Variants in BANK1 observed in about 807,000 individuals in gnomAD.
BANK1 encodes B cell scaffold protein with ankyrin repeats 1.
A neutral mutation model predicts 94.5 loss-of-function variants in BANK1; 95 were observed. That is an observed-to-expected ratio of 1.00 (90% CI 0.85 to 1.19). The LOEUF (loss-of-function observed/expected upper bound fraction) is 1.19. Ranked by LOEUF, BANK1 falls within the 50% of genes most tolerant of loss-of-function variation. The pLI is 0.00. For missense variants in BANK1, 987 were observed against 932.2 expected (o/e 1.06, Z -0.77); for synonymous variants, 334 against 308.4 (o/e 1.08, Z -0.87).
At chr4:101,851,442 G>C (rs1306633716) in intron 2 of BANK1, among the ~76,000 whole-genome samples, 2 of 152,188 alleles carry the variant, frequency 1.3e-5, no homozygotes, top group Non-Finnish European at 2.9e-5. Context: ...AGGCACAACT[G>C]TATGCACTAG....
chr4:102,016,863 A>T (rs1726718323), intron 7 of BANK1, among the ~76,000 whole-genome samples: 3 of 152,152 alleles, frequency 2.0e-5, no homozygotes, highest in Non-Finnish European at 4.4e-5. Flanking sequence ...GGTTAGAGAT[A>T]TAAATTAAGG....
intron 15 of BANK1, 24 bp from the exon 16 acceptor site, chr4:102,073,660 C>G (rs1230251147): frequency 6.2e-7 from 1 of 1,603,188 alleles, no homozygotes; most frequent in East Asian, 2.2e-5. Context: ...GAAATACTAG[C>G]TCTATATCTT....
intron 1 of BANK1, among the ~76,000 whole-genome samples, chr4:101,816,297 T>C (rs916270800): frequency 6.6e-6 from 1 of 152,224 alleles, no homozygotes; most frequent in South Asian, 2.1e-4. Flanking sequence ...TCTTGTTTAG[T>C]AATTTAGTTT....
chr4:101,980,816 G>T (rs1387885612), intron 7 of BANK1, among the ~76,000 whole-genome samples: 1 of 151,768 alleles, frequency 6.6e-6, no homozygotes, highest in East Asian at 1.9e-4. Flanking sequence ...TTTTTGTTAA[G>T]TTTATTTCTC....
rs74395587 is a variant in BANK1 at position 101,836,629 on chromosome 4, C to T, written c.469+6423C>T. Among the ~76,000 whole-genome samples, 915 of 152,264 alleles carry T rather than the reference C, an allele frequency of 6.0e-3. 15 individuals carry two copies. The East Asian group carries it at 0.061, about 10-fold the overall frequency. On this transcript the variant is annotated intron_variant, in intron 2 of 16. Transcript: ENST00000322953. ...ATGTTTCTGGTACAGTTTGGTTTTT[C>T]TCTTTATTGAAACCTCTTGATGAAA...
At chr4:102,032,373 A>T (rs1727350281) in intron 10 of BANK1, 1 of 152,052 alleles carries the variant, frequency 6.6e-6, no homozygotes, top group African/African-American at 2.4e-5. Context: ...TTTTTGTAGA[A>T]TTCTTTTCTC....
intron 14 of BANK1, among the ~76,000 whole-genome samples, chr4:102,071,635 A>G (rs1728766228): frequency 6.6e-6 from 1 of 152,220 alleles, no homozygotes; most frequent in South Asian, 2.1e-4. Context: ...GTAGATAAGC[A>G]TTGTACCATG....
chr4:101,941,899 C>A (rs1404595089), intron 7 of BANK1, among the ~76,000 whole-genome samples: 1 of 151,810 alleles, frequency 6.6e-6, no homozygotes, highest in Non-Finnish European at 1.5e-5. Context: ...ATTACTGACC[C>A]TCATGATGAT....
At chr4:102,044,278 G>A (rs983578921) in intron 11 of BANK1, among the ~76,000 whole-genome samples, 21 of 151,958 alleles carry the variant, frequency 1.4e-4, no homozygotes, top group Admixed American at 6.6e-5. Context: ...GAGAACATGC[G>A]GTGTTTGGTT....
At position 101,790,741 on chromosome 4, in the gene BANK1, G is replaced by A. The variant is rs931147655; in HGVS notation, c.-140G>A. On this transcript the variant is annotated 5_prime_UTR_variant, in exon 1 of 17. Transcript: ENST00000322953. ...GGGCTGCGTTTCCTGAGACCTGGCCGCAGCCTCCGCGGGTGGCAAGCGGGC... is the reference window on the plus strand; with the variant it reads ...GGGCTGCGTTTCCTGAGACCTGGCCACAGCCTCCGCGGGTGGCAAGCGGGC... 41 of 918,242 alleles carry A rather than the reference G, an allele frequency of 4.5e-5. No homozygotes were observed. The East Asian group carries it at 1.1e-3, about 24-fold the overall frequency. 56.9% of individuals were successfully genotyped at this position (918,242 alleles called of 1,614,324 possible). A position where few individuals can be genotyped will look rare whatever the true frequency, so the allele number is the denominator to read the frequency against.
At chr4:101,982,813 G>T (rs138502684) in intron 7 of BANK1, among the ~76,000 whole-genome samples, 3 of 151,326 alleles carry the variant, frequency 2.0e-5, no homozygotes, top group Admixed American at 6.6e-5. Flanking sequence ...TAAAAATGCC[G>T]CCCAACCAAT....
chr4:102,022,649 T>C (rs757934130), intron 8 of BANK1, among the ~76,000 whole-genome samples: 14 of 152,156 alleles, frequency 9.2e-5, no homozygotes, highest in Non-Finnish European at 1.8e-4. Flanking sequence ...AAATAATGTA[T>C]AGGACGCCTT....
At position 102,054,115 on chromosome 4, in the gene BANK1, G is replaced by A. The variant is rs115583050; in HGVS notation, c.1970-6096G>A. Among the ~76,000 whole-genome samples the A allele has an allele frequency of 6.8e-3, 1,027 of 152,104 alleles. 9 individuals carry two copies. Among genetic ancestry groups the A allele is most frequent in the African/African-American group, 0.024 (976 of 41,524 alleles). On this transcript the variant is annotated intron_variant, in intron 11 of 16. Transcript: ENST00000322953. ...GTGCTGTGTTAATCATCTGCATAAC[G>A]ATAGTTCATTAAAACCTCAAAGATA...
At chr4:101,892,167 G>C (rs1236927559) in intron 5 of BANK1, among the ~76,000 whole-genome samples, 1 of 150,580 alleles carries the variant, frequency 6.6e-6, no homozygotes, top group East Asian at 1.9e-4. Flanking sequence ...CCATAATTCT[G>C]AATATTATTT....
intron 7 of BANK1, among the ~76,000 whole-genome samples, chr4:101,967,285 C>A (rs1724797231): frequency 6.6e-6 from 1 of 151,974 alleles, no homozygotes; most frequent in African/African-American, 2.4e-5. Flanking sequence ...GATGAGGGAA[C>A]TGAGACATAG....
chr4:101,888,890 G>C (rs1020105836), intron 5 of BANK1, among the ~76,000 whole-genome samples: 14 of 152,064 alleles, frequency 9.2e-5, no homozygotes, highest in African/African-American at 3.4e-4. Flanking sequence ...ATGTAATACT[G>C]TCCTAAAATG....
intron 7 of BANK1, among the ~76,000 whole-genome samples, chr4:101,935,975 G>A (rs972103378): frequency 6.6e-6 from 1 of 151,246 alleles, no homozygotes; most frequent in Non-Finnish European, 1.5e-5. Flanking sequence ...AAGAAAACAT[G>A]GTGAAACCCT....
At chr4:101,891,629 T>A (rs2148889651) in intron 5 of BANK1, among the ~76,000 whole-genome samples, 1 of 152,196 alleles carries the variant, frequency 6.6e-6, no homozygotes, top group Admixed American at 6.5e-5. Context: ...GAATGTTCAA[T>A]CTTTTGTTAT....
At chr4:101,872,305 A>G (rs1006483752) in intron 5 of BANK1, among the ~76,000 whole-genome samples, 2 of 152,144 alleles carry the variant, frequency 1.3e-5, no homozygotes, top group African/African-American at 2.4e-5. Flanking sequence ...AGGTTTTGCA[A>G]CTGTCATGAG....
Sources: allele counts gnomAD v4.1 joint callset (sites outside exome capture counted in the v4.1 genomes callset), GRCh38; gene constraint gnomAD v4.1.1; transcripts MANE v1.5; gene names NCBI Gene and HGNC (gene_info 2026-07-23, HGNC 2026-07-21).